The following PLCG2 variants were observed in gnomAD, a reference collection of about 807,000 sequenced individuals.
PLCG2 encodes 1-phosphatidylinositol 4,5-bisphosphate phosphodiesterase gamma-2.
A neutral mutation model predicts 175.6 loss-of-function variants in PLCG2; 69 were observed. The observed-to-expected ratio is 0.39, with a 90% CI of 0.32 to 0.48. The LOEUF is 0.48. Among genes scored for constraint, PLCG2 ranks in the 20% least tolerant of loss-of-function variants. The probability of loss-of-function intolerance (pLI) is 0.91; values close to 1 mark genes in which losing one functional copy is unlikely to be tolerated. For synonymous variants in PLCG2, 827 were observed against 624.0 expected (o/e 1.33, Z -4.85); for missense variants, 1,798 against 1,650.9 (o/e 1.09, Z -1.54).
intron 15 of PLCG2, 78 bp from the exon 16 acceptor site, chr16:81,907,607 C>G: frequency 2.2e-6 from 2 of 926,910 alleles, no homozygotes; most frequent in East Asian, 5.1e-5. Context: ...GCTGGGGTGA[C>G]GCCCTGCAGG....
intron 30 of PLCG2, among the ~76,000 whole-genome samples, chr16:81,940,457 T>TGG (rs144704755): frequency 0.028 from 4,227 of 151,612 alleles, 214 homozygotes; most frequent in East Asian, 0.15. Context: ...TTTGGCATCT[T>TGG]GGGGGGGGAG....
intron 2 of PLCG2, among the ~76,000 whole-genome samples, chr16:81,796,893 T>G (rs1245615578): frequency 1.3e-5 from 2 of 152,172 alleles, no homozygotes; most frequent in Non-Finnish European, 2.9e-5. Flanking sequence ...ATTTCATGAG[T>G]GGCAGGCCTA....
At chr16:81,862,100 A>G (rs1907010933) in intron 5 of PLCG2, among the ~76,000 whole-genome samples, 1 of 152,220 alleles carries the variant, frequency 6.6e-6, no homozygotes, top group South Asian at 2.1e-4. Flanking sequence ...TGCCAATGAA[A>G]GAGCAACTGA....
intron 2 of PLCG2, among the ~76,000 whole-genome samples, chr16:81,796,354 C>A (rs1208206063): frequency 2.0e-5 from 3 of 152,210 alleles, no homozygotes; most frequent in African/African-American, 7.2e-5. Flanking sequence ...GAGAGAGAGG[C>A]CTCCTATGGG....
intron 2 of PLCG2, among the ~76,000 whole-genome samples, chr16:81,828,866 C>T (rs1567485918): frequency 6.6e-6 from 1 of 152,032 alleles, no homozygotes; most frequent in Non-Finnish European, 1.5e-5. Context: ...TTTCTGAATG[C>T]CGAGGTGGGT....
At chr16:81,762,883 C>G (rs1910069887) in intron 2 of PLCG2, among the ~76,000 whole-genome samples, 2 of 152,030 alleles carry the variant, frequency 1.3e-5, no homozygotes, top group Non-Finnish European at 2.9e-5. Context: ...CATAGTGAAA[C>G]CTCACCTCTA....
At chr16:81,882,209 A>G (rs565976693) in intron 8 of PLCG2, among the ~76,000 whole-genome samples, 1 of 151,908 alleles carries the variant, frequency 6.6e-6, no homozygotes, top group South Asian at 2.1e-4. Flanking sequence ...TCCCCATCCA[A>G]CCCGGGGGTG....
At chr16:81,915,477 A>T (rs1909801486) in intron 19 of PLCG2, among the ~76,000 whole-genome samples, 1 of 152,224 alleles carries the variant, frequency 6.6e-6, no homozygotes, top group South Asian at 2.1e-4. Context: ...ACGCTCCAGG[A>T]GGATGGAAGA....
At chr16:81,948,960 C>G (rs561479776) in intron 31 of PLCG2, among the ~76,000 whole-genome samples, 1 of 152,282 alleles carries the variant, frequency 6.6e-6, no homozygotes, top group South Asian at 2.1e-4. Context: ...CTCATAGGAT[C>G]TTTCAAAGAC....
chr16:81,783,817 T>G (rs1567461766), intron 1 of PLCG2, among the ~76,000 whole-genome samples: 1 of 141,074 alleles, frequency 7.1e-6, no homozygotes, highest in Non-Finnish European at 1.6e-5. Context: ...AAGATGCACA[T>G]TAACTCTCAG....
At chr16:81,869,163 G>T (rs778557099) in intron 5 of PLCG2, 51 bp from the exon 6 acceptor site, 1 of 1,378,864 alleles carries the variant, frequency 7.3e-7, no homozygotes, top group Non-Finnish European at 1.0e-6. Context: ...GCTAAATCCT[G>T]TGCTGTTGAA....
chr16:81,860,175 T>TTATTA (rs1567503036), intron 5 of PLCG2, among the ~76,000 whole-genome samples: 119 of 89,368 alleles, frequency 1.3e-3, no homozygotes, highest in Middle Eastern at 5.5e-3. Context: ...TATTATTATT[T>TTATTA]TTTTTTTTTT....
intron 7 of PLCG2, among the ~76,000 whole-genome samples, chr16:81,873,426 G>C (rs148326196): frequency 1.3e-5 from 2 of 152,150 alleles, no homozygotes; most frequent in Non-Finnish European, 2.9e-5. Context: ...ATTGAACATA[G>C]AACATGTCAT....
intron 5 of PLCG2, among the ~76,000 whole-genome samples, chr16:81,861,841 T>G (rs559752221): frequency 2.6e-5 from 4 of 152,304 alleles, no homozygotes; most frequent in African/African-American, 9.6e-5. Context: ...ACCACCCTCT[T>G]GCTCAGGAGG....
intron 2 of PLCG2, among the ~76,000 whole-genome samples, chr16:81,786,525 A>T (rs1372556589): frequency 6.6e-6 from 1 of 152,122 alleles, no homozygotes; most frequent in Non-Finnish European, 1.5e-5. Flanking sequence ...CTTTCCTCTT[A>T]AGGGCGAATT....
chr16:81,863,342 C>G (rs1907075999), intron 5 of PLCG2, among the ~76,000 whole-genome samples: 1 of 152,236 alleles, frequency 6.6e-6, no homozygotes, highest in Non-Finnish European at 1.5e-5. Context: ...AGTGTAATGT[C>G]TCCAAGTTTC....
intron 31 of PLCG2, 57 bp downstream of exon 31, chr16:81,946,320 G>A: frequency 8.0e-7 from 1 of 1,253,528 alleles, no homozygotes; most frequent in Non-Finnish European, 1.2e-6. Context: ...GGTGAGGGTA[G>A]AAACGGCCCG....
intron 9 of PLCG2, among the ~76,000 whole-genome samples, chr16:81,888,020 C>T (rs935223942): frequency 1.6e-5 from 2 of 123,210 alleles, no homozygotes; most frequent in African/African-American, 5.6e-5. Flanking sequence ...ATATCAGTTT[C>T]GTTATTTGGA....
chr16:81,808,658 T>C (rs1402506327), intron 2 of PLCG2, among the ~76,000 whole-genome samples: 3 of 152,090 alleles, frequency 2.0e-5, no homozygotes, highest in Non-Finnish European at 4.4e-5. Flanking sequence ...CACGCCTGGC[T>C]AATTTTTTCT....
Sources: allele counts gnomAD v4.1 joint callset (sites outside exome capture counted in the v4.1 genomes callset), GRCh38; gene constraint gnomAD v4.1.1; transcripts MANE v1.5; gene names NCBI Gene and HGNC (gene_info 2026-07-23, HGNC 2026-07-21).